Variants in CADPS observed in about 807,000 individuals in gnomAD.
CADPS encodes calcium-dependent secretion activator 1.
A neutral mutation model predicts 167.3 loss-of-function variants in CADPS; 57 were observed. That is an observed-to-expected ratio of 0.34 (90% CI 0.28 to 0.42). The LOEUF (loss-of-function observed/expected upper bound fraction) is 0.42. Ranked by LOEUF, CADPS falls within the 20% of genes least tolerant of loss-of-function variation. CADPS has a pLI of 1.00. For missense variants in CADPS, 1,414 were observed against 1,738.1 expected (o/e 0.81, Z 3.32); for synonymous variants, 676 against 635.3 (o/e 1.06, Z -0.96).
At chr3:62,672,355 G>T (rs1466357931) in intron 3 of CADPS, among the ~76,000 whole-genome samples, 1 of 152,128 alleles carries the variant, frequency 6.6e-6, no homozygotes, top group Non-Finnish European at 1.5e-5. Context: ...AAGGCAGGCT[G>T]CTCATCTTTT....
In CADPS at chr3:62,474,317, G is replaced by A. The variant is rs2060995406; in HGVS notation, c.3333C>T (p.Thr1111=). ...SDMIESCVKR[T]RIAFEVKLQK... ...GCAGCTTAACTTCAAATGCAATCCT[G>A]GTTCTATTAAAACAAAGTAGGAAAA... The change falls in exon 24 of 30, where the codon ACC becomes ACT. Residue 1111 remains threonine, a synonymous_variant. Transcript: ENST00000383710. The A allele has an allele frequency of 6.2e-7, 1 of 1,612,962 alleles. No individual in the cohort carries two copies. The highest frequency in any genetic ancestry group is 8.5e-7 in the Non-Finnish European group (1 of 1,179,708).
intron 28 of CADPS, among the ~76,000 whole-genome samples, chr3:62,423,413 G>C (rs765550304): frequency 6.6e-6 from 1 of 152,288 alleles, no homozygotes; most frequent in South Asian, 2.1e-4. Context: ...TATATCCTGC[G>C]GTGATCCATG....
chr3:62,594,742 T>C (rs1269371515), intron 6 of CADPS, among the ~76,000 whole-genome samples: 1 of 152,116 alleles, frequency 6.6e-6, no homozygotes, highest in Non-Finnish European at 1.5e-5. Flanking sequence ...GATCACTTCT[T>C]CCATCAACAA....
chr3:62,572,417 T>G (rs2081457532), intron 8 of CADPS, among the ~76,000 whole-genome samples: 1 of 152,160 alleles, frequency 6.6e-6, no homozygotes, highest in Non-Finnish European at 1.5e-5. Context: ...CTTAATTGGT[T>G]TCAGGGACAC....
Position 62,754,333 on chromosome 3 carries a change from C to CTATT in CADPS, c.556-564_556-561dup, listed in dbSNP as rs532740788. 3.3e-3 allele frequency among the ~76,000 whole-genome samples: 501 copies of CTATT among 151,960 alleles called. 6 individuals carry two copies. Among genetic ancestry groups the CTATT allele is most frequent in the African/African-American group, 9.3e-3 (386 of 41,430 alleles). On this transcript the variant is annotated intron_variant, in intron 2 of 29. Coordinates refer to ENST00000383710, the MANE Select transcript of CADPS (RefSeq NM_003716.4). ...ACTAAGTGCATGCCACCACACCTGG[C>CTATT]TATTTATTTATTTATTTATTTATTT...
intron 26 of CADPS, among the ~76,000 whole-genome samples, chr3:62,448,099 T>C (rs2057490245): frequency 6.6e-6 from 1 of 152,200 alleles, no homozygotes; most frequent in Non-Finnish European, 1.5e-5. Context: ...CCAAGACTCC[T>C]ATGCGGTCAT....
chr3:62,551,326 A>G (rs187936406), intron 10 of CADPS, among the ~76,000 whole-genome samples: 99 of 152,238 alleles, frequency 6.5e-4, no homozygotes, highest in Admixed American at 1.1e-3. Context: ...CCCACTTCCA[A>G]TGAATCATGA....
chr3:62,599,530 ATT>A (rs1323364890), intron 6 of CADPS, among the ~76,000 whole-genome samples: 1 of 96,572 alleles, frequency 1.0e-5, no homozygotes, highest in African/African-American at 4.4e-5. Flanking sequence ...TTACATATAT[ATT>A]ATATATATTA....
chr3:62,609,918 T>C (rs1274640510), intron 6 of CADPS, among the ~76,000 whole-genome samples: 1 of 151,938 alleles, frequency 6.6e-6, no homozygotes, highest in African/African-American at 2.4e-5. Context: ...TGAAATCCAA[T>C]CTCTACAAAA....
intron 3 of CADPS, among the ~76,000 whole-genome samples, chr3:62,697,052 G>A (rs1185768811): frequency 3.9e-5 from 6 of 152,172 alleles, no homozygotes; most frequent in East Asian, 1.9e-4. Context: ...AGACTTGAGT[G>A]CAAATCTTGC....
chr3:62,635,317 T>C (rs1340770361), intron 6 of CADPS, among the ~76,000 whole-genome samples: 1 of 152,156 alleles, frequency 6.6e-6, no homozygotes, highest in African/African-American at 2.4e-5. Flanking sequence ...CTGCCTCTAA[T>C]AGTCCTCAAT....
At chr3:62,536,306 C>T in intron 12 of CADPS, 139 bp downstream of exon 12, 1 of 734,684 alleles carries the variant, frequency 1.4e-6, no homozygotes, top group Non-Finnish European at 2.2e-6. Flanking sequence ...CTATCTCAAC[C>T]CAGGAAATCG....
chr3:62,528,040 C>T (rs2072734413), intron 13 of CADPS, among the ~76,000 whole-genome samples: 1 of 152,070 alleles, frequency 6.6e-6, no homozygotes, highest in Non-Finnish European at 1.5e-5. Context: ...GTTTTCCCCA[C>T]AAAGCTAAAA....
intron 2 of CADPS, among the ~76,000 whole-genome samples, chr3:62,761,242 A>C (rs1013802016): frequency 6.6e-6 from 1 of 152,152 alleles, no homozygotes; most frequent in Non-Finnish European, 1.5e-5. Flanking sequence ...TGTTATGATG[A>C]TGATGATGAT....
intron 13 of CADPS, among the ~76,000 whole-genome samples, chr3:62,524,814 T>C (rs1037160145): frequency 2.0e-5 from 3 of 152,192 alleles, no homozygotes; most frequent in Non-Finnish European, 4.4e-5. Flanking sequence ...AGAGAAATTG[T>C]ATAAAATGCA....
At chr3:62,463,281 T>G (rs944168768) in intron 26 of CADPS, among the ~76,000 whole-genome samples, 1 of 152,150 alleles carries the variant, frequency 6.6e-6, no homozygotes, top group African/African-American at 2.4e-5. Flanking sequence ...CTTGGTGGAT[T>G]GAATTCTGCT....
Position 62,514,668 on chromosome 3 carries a change from A to G in CADPS, c.2581+1391T>C, listed in dbSNP as rs909919955. 1.3e-5 allele frequency among the ~76,000 whole-genome samples: 2 copies of G among 152,150 alleles called. No individual in the cohort carries two copies. Among genetic ancestry groups the G allele is most frequent in the Non-Finnish European group, 2.9e-5 (2 of 68,004 alleles). On this transcript the variant is annotated intron_variant, in intron 16 of 29. Transcript: ENST00000383710. This position sits in a 1 kb window ranked among gnomAD's most constrained non-coding sequence, Gnocchi z 4.2. ...TATCTGAAAGAAGAGAGCAGATCTT[A>G]CCAAAAGACTAGTAGTAATAGCTAG...
chr3:62,787,250 G>T (rs1216666406), intron 1 of CADPS, among the ~76,000 whole-genome samples: 1 of 151,728 alleles, frequency 6.6e-6, no homozygotes, highest in Non-Finnish European at 1.5e-5. Flanking sequence ...AGCCAAGATC[G>T]CACCACTGCA....
At chr3:62,633,187 A>C (rs2065628801) in intron 6 of CADPS, among the ~76,000 whole-genome samples, 1 of 152,150 alleles carries the variant, frequency 6.6e-6, no homozygotes, top group Non-Finnish European at 1.5e-5. Flanking sequence ...AATGAAAAGG[A>C]GAGAGTTTGG....
Sources: gnomAD v4.1 joint callset for allele counts (sites outside exome capture counted in the v4.1 genomes callset) on GRCh38, gnomAD v4.1.1 for gene constraint, Gnocchi (gnomAD v3.1) non-coding constraint, MANE v1.5 for transcripts, NCBI Gene and HGNC (gene_info 2026-07-23, HGNC 2026-07-21) for gene names.